RAB38: variants seen among roughly 807,000 people sequenced by gnomAD.
RAB38 encodes the protein RAB38, member RAS oncogene family.
In RAB38, 15 loss-of-function variants were observed where a neutral mutation model predicts 18.4. The ratio of observed to expected loss-of-function variants is 0.82; its 90% confidence interval spans 0.55 to 1.26. The LOEUF is 1.26. Ranked by LOEUF, RAB38 falls within the 50% of genes most tolerant of loss-of-function variation. The pLI is 0.00. For synonymous variants in RAB38, 101 were observed against 104.4 expected, an observed-to-expected ratio of 0.97 and a Z score of 0.20; for missense variants, 294 against 267.4, an observed-to-expected ratio of 1.10 and a Z score of -0.69.
At chr11:87,865,054 G>C in the RAB38 span, among the ~76,000 whole-genome samples, 3 of 151,834 alleles carry the variant, frequency 2.0e-5, no homozygotes, top group Admixed American at 2.0e-4. Context: ...CGTAATATGA[G>C]GAGAGACTGA....
At chr11:87,945,703 G>C in the RAB38 span, among the ~76,000 whole-genome samples, 1 of 152,170 alleles carries the variant, frequency 6.6e-6, no homozygotes, top group Non-Finnish European at 1.5e-5. Context: ...TCATATTTCA[G>C]ATGAAATAAT....
At chr11:88,029,556 CA>C in the RAB38 span, among the ~76,000 whole-genome samples, 2 of 151,522 alleles carry the variant, frequency 1.3e-5, no homozygotes, top group African/African-American at 4.9e-5. Context: ...AAATGGAAAA[CA>C]AAAAAAGGCA....
At chr11:88,042,101 C>T in the RAB38 span, among the ~76,000 whole-genome samples, 1 of 152,082 alleles carries the variant, frequency 6.6e-6, no homozygotes, top group African/African-American at 2.4e-5. Flanking sequence ...ATTACAGCCA[C>T]ATTCAAAATC....
At chr11:87,951,868 C>G in the RAB38 span, among the ~76,000 whole-genome samples, 1 of 152,188 alleles carries the variant, frequency 6.6e-6, no homozygotes, top group Admixed American at 6.5e-5. Context: ...AGGAGGCAGT[C>G]TGCCCGTTCT....
chr11:87,975,654 T>C, the RAB38 span, among the ~76,000 whole-genome samples: 3 of 151,768 alleles, frequency 2.0e-5, no homozygotes, highest in Admixed American at 2.0e-4. Context: ...GACAAAAACA[T>C]GGATTAAATG....
the RAB38 span, among the ~76,000 whole-genome samples, chr11:88,044,764 T>C: frequency 2.6e-5 from 4 of 152,102 alleles, no homozygotes; most frequent in African/African-American, 9.7e-5. Flanking sequence ...ACCCCAAGTG[T>C]GGCTGAGTCT....
intron 1 of RAB38, among the ~76,000 whole-genome samples, chr11:88,150,229 C>T (rs1422440354): frequency 6.6e-6 from 1 of 152,094 alleles, no homozygotes; most frequent in Admixed American, 6.6e-5. Context: ...TTCCAGTAGC[C>T]ACATATGGCT....
At chr11:88,044,283 G>A in the RAB38 span, among the ~76,000 whole-genome samples, 1 of 152,106 alleles carries the variant, frequency 6.6e-6, no homozygotes, top group Non-Finnish European at 1.5e-5. Context: ...CTGGTGGGGA[G>A]GAACCCCCGA....
the RAB38 span, among the ~76,000 whole-genome samples, chr11:88,096,022 T>C: frequency 6.6e-6 from 1 of 151,918 alleles, no homozygotes; most frequent in African/African-American, 2.4e-5. Flanking sequence ...CTTCTACCTC[T>C]GACCCCTGTA....
the RAB38 span, among the ~76,000 whole-genome samples, chr11:88,038,989 TAAGTA>T: frequency 6.6e-6 from 1 of 152,198 alleles, no homozygotes; most frequent in Admixed American, 6.5e-5. Flanking sequence ...TTTCCTTTTA[TAAGTA>T]GAGTAGACAA....
the RAB38 span, among the ~76,000 whole-genome samples, chr11:87,927,249 C>G: frequency 6.6e-6 from 1 of 151,990 alleles, no homozygotes; most frequent in South Asian, 2.1e-4. Flanking sequence ...AAATATATTC[C>G]TACACCCCAG....
At chr11:87,948,020 C>A in the RAB38 span, among the ~76,000 whole-genome samples, 25 of 152,194 alleles carry the variant, frequency 1.6e-4, no homozygotes, top group African/African-American at 6.0e-4. Context: ...ATTCTTTGTA[C>A]CCATGAGCAT....
At chr11:88,089,527 G>A in the RAB38 span, among the ~76,000 whole-genome samples, 1 of 151,916 alleles carries the variant, frequency 6.6e-6, no homozygotes, top group Non-Finnish European at 1.5e-5. Context: ...CCCTGAAACT[G>A]AGTGGGATTC....
At chr11:88,173,978 A>C (rs1943344067) in intron 1 of RAB38, 1 of 985,336 alleles carries the variant, frequency 1.0e-6, no homozygotes. Context: ...GCATCAGCTA[A>C]AATGAATCCA....
intron 1 of RAB38, among the ~76,000 whole-genome samples, chr11:88,154,518 T>C (rs1269223928): frequency 2.0e-5 from 3 of 152,304 alleles, no homozygotes; most frequent in African/African-American, 4.8e-5. Context: ...CCTGAGATTG[T>C]GGTGTAGCAG....
intron 2 of RAB38, among the ~76,000 whole-genome samples, chr11:88,134,528 C>T (rs1942809325): frequency 6.6e-6 from 1 of 152,200 alleles, no homozygotes; most frequent in Non-Finnish European, 1.5e-5. Context: ...CAGGCGTGAG[C>T]CACATCACCT....
At chr11:88,012,272 T>C in the RAB38 span, among the ~76,000 whole-genome samples, 3 of 152,152 alleles carry the variant, frequency 2.0e-5, no homozygotes, top group African/African-American at 4.8e-5. Context: ...ACAGAGTCAC[T>C]GTACTGTTCA....
intron 2 of RAB38, chr11:88,115,463 T>G (rs1942537485): frequency 6.6e-6 from 1 of 152,222 alleles, no homozygotes; most frequent in African/African-American, 2.4e-5. Flanking sequence ...TAGTTGTAAA[T>G]GTTTATTAGC....
chr11:87,925,134 T>C, the RAB38 span, among the ~76,000 whole-genome samples: 1 of 152,160 alleles, frequency 6.6e-6, no homozygotes, highest in African/African-American at 2.4e-5. Context: ...AGGGTTATAG[T>C]TCCTGCCTTG....
Sources: allele counts gnomAD v4.1 joint callset (sites outside exome capture counted in the v4.1 genomes callset), GRCh38; gene constraint gnomAD v4.1.1; transcripts MANE v1.5; gene names NCBI Gene and HGNC (gene_info 2026-07-23, HGNC 2026-07-21).